CATSPERE: variants seen among roughly 807,000 people sequenced by gnomAD.
The protein encoded by CATSPERE is catsper channel auxiliary subunit epsilon.
In CATSPERE, 93 loss-of-function variants were observed where a neutral mutation model predicts 114.1. That is an observed-to-expected ratio of 0.81 (90% CI 0.69 to 0.97). CATSPERE has a LOEUF of 0.97. CATSPERE is among the 50% of genes least tolerant of loss of function. The pLI is 0.00. For missense variants in CATSPERE, 1,058 were observed against 1,131.6 expected (o/e 0.93, Z 0.93); for synonymous variants, 341 against 384.1 (o/e 0.89, Z 1.31).
intron 8 of CATSPERE, among the ~76,000 whole-genome samples, chr1:244,544,567 T>C (rs1199871758): frequency 6.6e-6 from 1 of 152,240 alleles, no homozygotes; most frequent in Non-Finnish European, 1.5e-5. Context: ...TAAGGCCATG[T>C]GGAAGCCATT....
chr1:244,616,987 C>T (rs945863443), intron 19 of CATSPERE, among the ~76,000 whole-genome samples: 19 of 152,138 alleles, frequency 1.2e-4, no homozygotes, highest in Non-Finnish European at 2.6e-4. Context: ...AGGTATCTGC[C>T]AGTTTTAATA....
chr1:244,467,875 C>T (rs771736271), intron 2 of CATSPERE, among the ~76,000 whole-genome samples: 1 of 152,130 alleles, frequency 6.6e-6, no homozygotes, highest in Non-Finnish European at 1.5e-5. Context: ...TCTGTATAAA[C>T]TTTATAATAT....
Position 244,461,358 on chromosome 1 carries a change from G to A in CATSPERE, c.-72G>A. 1 of 1,253,416 alleles carries A rather than the reference G, an allele frequency of 8.0e-7. No homozygotes were observed. Among genetic ancestry groups the A allele is most frequent in the Non-Finnish European group, 1.0e-6 (1 of 983,346 alleles). The allele number at this position is 1,253,416 out of a possible 1,614,324, so 77.6% of individuals were successfully genotyped here. On this transcript the variant is annotated 5_prime_UTR_variant, in exon 1 of 22. Transcript: ENST00000366534. The stretch of plus-strand genomic sequence containing the variant: ...GGCGCCTGCAGCCGCCCGCCGGGCC[G>A]ACGTCCCACGGGAATGCGCGAGGCC...
At chr1:244,471,499 C>G (rs1668469792) in intron 2 of CATSPERE, among the ~76,000 whole-genome samples, 1 of 152,110 alleles carries the variant, frequency 6.6e-6, no homozygotes, top group African/African-American at 2.4e-5. Context: ...CAACATTTAC[C>G]TCACCCCAAA....
intron 10 of CATSPERE, among the ~76,000 whole-genome samples, chr1:244,562,264 C>T (rs143312287): frequency 2.0e-5 from 3 of 149,738 alleles, no homozygotes; most frequent in South Asian, 2.1e-4. Context: ...AGATATAAAA[C>T]GAATGCCATT....
chr1:244,516,374 G>T (rs1005712556), intron 7 of CATSPERE, among the ~76,000 whole-genome samples: 1 of 151,982 alleles, frequency 6.6e-6, no homozygotes, highest in Non-Finnish European at 1.5e-5. Context: ...TAGAGATGGG[G>T]TCTCACTCTT....
rs11586356 is a variant in CATSPERE, at chr1:244,477,914, C to A, written c.197C>A (p.Thr66Lys). 45,785 of 1,604,178 alleles carry A rather than the reference C, an allele frequency of 0.029. 806 individuals are homozygous for A. Among genetic ancestry groups the A allele is most frequent in the Middle Eastern group, 0.047 (282 of 6,046 alleles). The change falls in exon 4 of 22, where the codon ACG becomes AAG. Residue 66 changes from threonine to lysine, a missense_variant. By Grantham distance (78) the Thr-to-Lys change is moderately conservative. Coordinates refer to ENST00000366534, the MANE Select transcript of CATSPERE (RefSeq NM_001130957.2). ...ATCTTTTTAAACACTAGCTCACCCA[C>A]GACAGAATTGCGTTGTTCCTCACCT... ...TCFVLNKSSP[T>K]TELRCSSPGV...
chr1:244,608,312 C>T (rs1030209815), intron 18 of CATSPERE, among the ~76,000 whole-genome samples: 1 of 151,972 alleles, frequency 6.6e-6, no homozygotes, highest in Non-Finnish European at 1.5e-5. Context: ...GCGGGATGAT[C>T]GCTTGAGCCT....
chr1:244,622,611 C>A (rs530499872), intron 20 of CATSPERE, among the ~76,000 whole-genome samples: 59 of 152,138 alleles, frequency 3.9e-4, no homozygotes, highest in Non-Finnish European at 6.5e-4. Flanking sequence ...GCCATGTTGG[C>A]CAGGCTGTCA....
intron 2 of CATSPERE, among the ~76,000 whole-genome samples, chr1:244,468,145 G>A (rs1299277545): frequency 1.3e-5 from 2 of 151,148 alleles, no homozygotes; most frequent in African/African-American, 2.4e-5. Context: ...CCAGGCTGGA[G>A]TGCAGTGCGC....
At chr1:244,458,244 T>C (rs1666335024), upstream of CATSPERE, among the ~76,000 whole-genome samples, 2 of 152,212 alleles carry the variant, frequency 1.3e-5, no homozygotes, top group African/African-American at 4.8e-5. Context: ...ACTGTATTTG[T>C]ATAAATATGT....
intron 9 of CATSPERE, among the ~76,000 whole-genome samples, chr1:244,559,363 GC>G (rs1211464162): frequency 2.0e-5 from 3 of 152,130 alleles, no homozygotes; most frequent in African/African-American, 7.2e-5. Context: ...TTTGATATCT[GC>G]CGACCTCCTG....
intron 6 of CATSPERE, among the ~76,000 whole-genome samples, chr1:244,498,709 C>A (rs1673513187): frequency 6.6e-6 from 1 of 152,050 alleles, no homozygotes; most frequent in South Asian, 2.1e-4. Flanking sequence ...ACCAACCTGG[C>A]CAACATGGTG....
At chr1:244,481,756 GC>G (rs1450855762) in intron 5 of CATSPERE, among the ~76,000 whole-genome samples, 1 of 152,190 alleles carries the variant, frequency 6.6e-6, no homozygotes, top group Non-Finnish European at 1.5e-5. Context: ...ACAAAAGAGA[GC>G]CCAAAGAGTT....
At chr1:244,566,666 TTTTTTTTTTTTTTTTTTTTTTG>T (rs1353093556) in intron 10 of CATSPERE, among the ~76,000 whole-genome samples, 85 of 113,664 alleles carry the variant, frequency 7.5e-4, no homozygotes, top group African/African-American at 2.5e-3. Flanking sequence ...TTTTTTTTTT[TTTTTTTTTTTTTTTTTTTTTTG>T]CTTTCCATTT....
intron 12 of CATSPERE, among the ~76,000 whole-genome samples, chr1:244,582,494 G>A (rs191817733): frequency 4.7e-5 from 7 of 149,556 alleles, no homozygotes; most frequent in East Asian, 2.0e-4. Context: ...CCTCCACCTC[G>A]CAGGTTCAAG....
At chr1:244,470,874 G>C (rs1273396188) in intron 2 of CATSPERE, among the ~76,000 whole-genome samples, 1 of 152,140 alleles carries the variant, frequency 6.6e-6, no homozygotes, top group Non-Finnish European at 1.5e-5. Flanking sequence ...ATATAGAAAA[G>C]CCTTGAAAAC....
chr1:244,512,293 T>C (rs933501739), intron 7 of CATSPERE, among the ~76,000 whole-genome samples: 1 of 152,232 alleles, frequency 6.6e-6, no homozygotes, highest in Admixed American at 6.5e-5. Flanking sequence ...AGTTCAGAAA[T>C]TCTTTCTTCT....
intron 17 of CATSPERE, among the ~76,000 whole-genome samples, chr1:244,600,699 G>A (rs1295193637): frequency 6.6e-6 from 1 of 151,594 alleles, no homozygotes; most frequent in Admixed American, 6.6e-5. Flanking sequence ...TCAAAGAATC[G>A]ATCAAATCCA....
Sources: gnomAD v4.1 joint callset for allele counts (sites outside exome capture counted in the v4.1 genomes callset) on GRCh38, gnomAD v4.1.1 for gene constraint, MANE v1.5 for transcripts, NCBI Gene and HGNC (gene_info 2026-07-23, HGNC 2026-07-21) for gene names.